The following AHI1 variants were observed in gnomAD, a reference collection of about 807,000 sequenced individuals.
AHI1 encodes the protein jouberin.
A neutral mutation model predicts 149.3 loss-of-function variants in AHI1; 123 were observed. That is an observed-to-expected ratio of 0.82 (90% CI 0.71 to 0.96). The LOEUF (loss-of-function observed/expected upper bound fraction) is 0.96, where lower values mean the gene tolerates loss of function less well. Among genes scored for constraint, AHI1 ranks in the 40% least tolerant of loss-of-function variants. AHI1 has a pLI of 0.00. For synonymous variants in AHI1, 475 were observed against 459.8 expected, an observed-to-expected ratio of 1.03 and a Z score of -0.42; for missense variants, 1,439 against 1,422.7, an observed-to-expected ratio of 1.01 and a Z score of -0.18.
intron 24 of AHI1, among the ~76,000 whole-genome samples, chr6:135,346,586 GA>G (rs978360465): frequency 6.6e-6 from 1 of 152,114 alleles, no homozygotes; most frequent in Non-Finnish European, 1.5e-5. Flanking sequence ...TAGTAAAAGA[GA>G]AAGAAAAGAA....
At chr6:135,494,467 G>A (rs888161178) in intron 3 of AHI1, among the ~76,000 whole-genome samples, 1 of 152,166 alleles carries the variant, frequency 6.6e-6, no homozygotes, top group Non-Finnish European at 1.5e-5. Flanking sequence ...CTATCTGCCA[G>A]CAGATTCACC....
intron 26 of AHI1, among the ~76,000 whole-genome samples, chr6:135,312,556 C>G (rs1157709616): frequency 6.6e-6 from 1 of 151,938 alleles, no homozygotes; most frequent in East Asian, 1.9e-4. Flanking sequence ...AACCAAGCAA[C>G]CAAACAAAGA....
intron 11 of AHI1, among the ~76,000 whole-genome samples, chr6:135,451,496 T>C (rs957143579): frequency 6.6e-6 from 1 of 152,116 alleles, no homozygotes; most frequent in Non-Finnish European, 1.5e-5. Flanking sequence ...ATGTTCAACA[T>C]ATTTACCCAA....
At chr6:135,418,745 C>T (rs1206286441) in intron 20 of AHI1, among the ~76,000 whole-genome samples, 1 of 151,958 alleles carries the variant, frequency 6.6e-6, no homozygotes, top group Non-Finnish European at 1.5e-5. Flanking sequence ...TTCCTTTGTT[C>T]AAGACATTTC....
intron 21 of AHI1, among the ~76,000 whole-genome samples, chr6:135,407,868 T>A (rs957095936): frequency 6.7e-6 from 1 of 149,586 alleles, no homozygotes; most frequent in Non-Finnish European, 1.5e-5. Flanking sequence ...AAAAGCCTAC[T>A]AAAAATACAA....
At chr6:135,380,432 C>T (rs1226577807) in intron 23 of AHI1, among the ~76,000 whole-genome samples, 3 of 152,072 alleles carry the variant, frequency 2.0e-5, no homozygotes, top group Non-Finnish European at 4.4e-5. Context: ...CAAATACTGT[C>T]CATTTTATAT....
chr6:135,364,055 TGGCCGGGCGGGG>T (rs1794459588), intron 23 of AHI1, among the ~76,000 whole-genome samples: 1 of 146,344 alleles, frequency 6.8e-6, no homozygotes, highest in African/African-American at 2.6e-5. Context: ...ACAGGGCGGC[TGGCCGGGCGGGG>T]GGCTGACCCC....
chr6:135,428,562 GA>G, intron 19 of AHI1, 66 bp downstream of exon 19: 2 of 1,430,460 alleles, frequency 1.4e-6, no homozygotes, highest in Non-Finnish European at 9.2e-7. Flanking sequence ...TAAAATGGTA[GA>G]ATTTTCACAC....
At chr6:135,369,020 C>T (rs1326706532) in intron 23 of AHI1, among the ~76,000 whole-genome samples, 1 of 152,222 alleles carries the variant, frequency 6.6e-6, no homozygotes, top group African/African-American at 2.4e-5. Context: ...ACTGGCAGCC[C>T]TCCCCAAGGA....
At chr6:135,301,323 G>A (rs1451534194) in intron 26 of AHI1, 1 of 968,738 alleles carries the variant, frequency 1.0e-6, no homozygotes, top group Non-Finnish European at 1.2e-6. Context: ...ATATACAAAT[G>A]AAACAGATAT....
chr6:135,314,068 T>C (rs777353531), intron 26 of AHI1, among the ~76,000 whole-genome samples: 1 of 152,254 alleles, frequency 6.6e-6, no homozygotes, highest in Non-Finnish European at 1.5e-5. Flanking sequence ...TAAAGGTTTT[T>C]ATGTTGTAAA....
rs267606641 is a variant in AHI1, at chr6:135,447,022, G to A, written c.1765C>T (p.Arg589Ter). Reference sequence around the variant, plus strand: ...AAACACTTCACCTGCCCAGGGAGTCGTTTCCACTTTATTACTTCCTTTGAC... The same window carrying A: ...AAACACTTCACCTGCCCAGGGAGTCATTTCCACTTTATTACTTCCTTTGAC... ...EESKEVIKWK[R>*]LPGQACRIPN... The change falls in exon 13 of 29, where the codon CGA becomes TGA. Residue 589 changes from arginine (R) to a stop codon, truncating the protein, a stop_gained. Transcript: ENST00000265602. LOFTEE classifies it high-confidence loss of function. The A allele has an allele frequency of 6.8e-6, 11 of 1,610,624 alleles. No homozygotes were observed. The highest frequency in any genetic ancestry group is 5.4e-5 in the African/African-American group (4 of 74,752).
intron 10 of AHI1, among the ~76,000 whole-genome samples, chr6:135,454,037 T>C (rs1300215836): frequency 6.6e-6 from 1 of 152,146 alleles, no homozygotes; most frequent in Non-Finnish European, 1.5e-5. Context: ...GAAAATGAGA[T>C]TTTTATAGAA....
intron 26 of AHI1, among the ~76,000 whole-genome samples, chr6:135,313,943 CAA>C (rs1010596940): frequency 6.6e-6 from 1 of 152,148 alleles, no homozygotes; most frequent in Admixed American, 6.5e-5. Context: ...AGAAAAATCA[CAA>C]AGAGTAAAGA....
chr6:135,475,573 C>T (rs1351056369), intron 5 of AHI1, among the ~76,000 whole-genome samples: 1 of 152,178 alleles, frequency 6.6e-6, no homozygotes, highest in East Asian at 1.9e-4. Flanking sequence ...GCACTGAATG[C>T]TCTGCCTCTA....
intron 27 of AHI1, among the ~76,000 whole-genome samples, chr6:135,294,550 C>A (rs1162551764): frequency 2.0e-5 from 3 of 151,030 alleles, no homozygotes; most frequent in African/African-American, 7.3e-5. Flanking sequence ...CCAAAAAAAA[C>A]CAAAAGAGAA....
intron 23 of AHI1, among the ~76,000 whole-genome samples, chr6:135,370,243 G>T (rs1044010124): frequency 2.6e-5 from 4 of 152,194 alleles, no homozygotes; most frequent in Admixed American, 2.6e-4. Flanking sequence ...GGACTGGGCT[G>T]TTGCTTAGTT....
At position 135,375,205 on chromosome 6, in the gene AHI1, GATTTTAATT is replaced by G. The variant is rs1775727675; in HGVS notation, c.3110-17027_3110-17019del. Among the ~76,000 whole-genome samples the G allele has an allele frequency of 4.6e-5, 7 of 151,968 alleles. No homozygotes were observed. In the East Asian group the frequency reaches 7.7e-4, roughly 17 times the overall value. Reference sequence around the variant, plus strand: ...CCAAGACAATATATAAATTTAATATGATTTTAATTTTTAAAAAGTTTTTTTTTCCAGCAC... The same window carrying G: ...CCAAGACAATATATAAATTTAATATGTTTAAAAAGTTTTTTTTTCCAGCAC... On this transcript the variant is annotated intron_variant, in intron 23 of 28. Coordinates refer to ENST00000265602, the MANE Select transcript of AHI1 (RefSeq NM_001134831.2).
At chr6:135,389,681 T>C (rs1388242457) in intron 23 of AHI1, among the ~76,000 whole-genome samples, 1 of 152,210 alleles carries the variant, frequency 6.6e-6, no homozygotes, top group African/African-American at 2.4e-5. Flanking sequence ...TTCATTTTCT[T>C]TTGTTTGACT....
Sources: allele counts gnomAD v4.1 joint callset (sites outside exome capture counted in the v4.1 genomes callset), GRCh38; gene constraint gnomAD v4.1.1; transcripts MANE v1.5; gene names NCBI Gene and HGNC (gene_info 2026-07-23, HGNC 2026-07-21).